Variants in COL18A1 observed in about 807,000 individuals in gnomAD.
COL18A1 encodes the protein collagen alpha-1(XVIII) chain.
COL18A1 carries 133 observed loss-of-function variants against 168.0 expected under a neutral mutation model. The observed-to-expected ratio is 0.79, with a 90% CI of 0.69 to 0.91. The LOEUF (loss-of-function observed/expected upper bound fraction) is 0.91, where lower values mean the gene tolerates loss of function less well. COL18A1 is among the 40% of genes least tolerant of loss of function. COL18A1 has a pLI of 0.00. For synonymous variants in COL18A1, 949 were observed against 809.0 expected, an observed-to-expected ratio of 1.17 and a Z score of -2.94; for missense variants, 2,126 against 1,925.4, an observed-to-expected ratio of 1.10 and a Z score of -1.95.
rs1330260202 is a variant in COL18A1, at chr21:45,477,747, C to T, written c.1006-3C>T. 5 of 1,536,010 alleles carry T rather than the reference C, an allele frequency of 3.3e-6. No homozygotes were observed. The highest frequency in any genetic ancestry group is 4.4e-6 in the Non-Finnish European group (5 of 1,141,596). On this transcript the variant is annotated splice_region_variant and splice_polypyrimidine_tract_variant and intron_variant, in intron 7 of 41. Transcript: ENST00000651438. ...CCGAGCCCTGTGTTCTGTTTATTCC[C>T]AGGGCGGCCTGAAGGGGCAGAAAGG...
At chr21:45,409,037 GCTGT>G (rs1216876041) in intron 2 of COL18A1, among the ~76,000 whole-genome samples, 1 of 149,164 alleles carries the variant, frequency 6.7e-6, no homozygotes, top group Non-Finnish European at 1.5e-5. Context: ...GACAAAGCTG[GCTGT>G]GGCTGTGTCT....
At chr21:45,481,297 G>A (rs894772706) in intron 13 of COL18A1, among the ~76,000 whole-genome samples, 2 of 152,148 alleles carry the variant, frequency 1.3e-5, no homozygotes, top group Admixed American at 6.5e-5. Flanking sequence ...CACACATGAC[G>A]GGCAGCAGGT....
chr21:45,495,441 C>G lies in COL18A1; in HGVS notation c.2508+9C>G. On this transcript the variant is annotated intron_variant, in intron 29 of 41. Transcript: ENST00000651438. The stretch of plus-strand genomic sequence containing the variant: ...TTGGATTTGGCATGAGGGTGAGTGT[C>G]TCTCAAGGGGCGGACTGGGTGGCTG... 6.2e-7 allele frequency: 1 copy of G among 1,602,416 alleles called. No homozygotes were observed.
intron 2 of COL18A1, chr21:45,467,533 C>T: frequency 1.3e-6 from 1 of 769,058 alleles, no homozygotes; most frequent in African/African-American, 1.9e-5. Context: ...CCTGGCCCAG[C>T]AGGTGAGCCG....
intron 2 of COL18A1, chr21:45,456,738 C>T: frequency 6.5e-7 from 1 of 1,535,604 alleles, no homozygotes; most frequent in Middle Eastern, 1.7e-4. Flanking sequence ...GTCCCGCCGC[C>T]CGCCCCGCCA....
chr21:45,465,463 C>G (rs999913312), intron 2 of COL18A1, among the ~76,000 whole-genome samples: 1 of 152,186 alleles, frequency 6.6e-6, no homozygotes, highest in Non-Finnish European at 1.5e-5. Flanking sequence ...GATGTCCCCC[C>G]GGGCACTTCA....
At chr21:45,437,662 A>ACT (rs2034199625) in intron 2 of COL18A1, among the ~76,000 whole-genome samples, 3 of 67,972 alleles carry the variant, frequency 4.4e-5, no homozygotes, top group South Asian at 5.0e-4. Flanking sequence ...GCACACACAC[A>ACT]CACTCAGACA....
Position 45,482,810 on chromosome 21 carries a change from C to T in COL18A1, c.1690C>T (p.Pro564Ser), listed in dbSNP as rs529900513. Reference sequence around the variant, plus strand: ...TTCCGTACAGGGTGAAGCAGGCGCCCCAGGACATAAGGTACAAGCAGAATC... The same window carrying T: ...TTCCGTACAGGGTGAAGCAGGCGCCTCAGGACATAAGGTACAAGCAGAATC... ...QKGSLGEAGA[P>S]GHKGSKGAPG... Residue 564 changes from proline (P) to serine (S), a missense_variant, in exon 15 of 42, where the codon CCA (proline) becomes TCA (serine). Physicochemically the swap from Pro to Ser is moderately conservative, Grantham distance 74 (BLOSUM62 -1). Coordinates refer to ENST00000651438, the MANE Select transcript of COL18A1 (RefSeq NM_001379500.1). 10 of 1,614,172 alleles carry T rather than the reference C, an allele frequency of 6.2e-6. No homozygotes were observed. The highest frequency in any genetic ancestry group is 1.7e-5 in the Admixed American group (1 of 60,026).
At chr21:45,505,083 C>T (rs113182963) in intron 34 of COL18A1, 51 bp from the exon 35 acceptor site, 25,913 of 1,589,616 alleles carry the variant, frequency 0.016, 265 homozygotes, top group Non-Finnish European at 0.019. Flanking sequence ...TTGCCCGCCC[C>T]CAGTCCAGGG....
At chr21:45,405,776 G>A (rs1053614565) in intron 2 of COL18A1, among the ~76,000 whole-genome samples, 1 of 151,104 alleles carries the variant, frequency 6.6e-6, no homozygotes, top group East Asian at 2.0e-4. Flanking sequence ...AGGGCTCGGG[G>A]CGGGGCCGCG....
At chr21:45,439,438 C>T (rs896721211) in intron 2 of COL18A1, among the ~76,000 whole-genome samples, 6 of 152,256 alleles carry the variant, frequency 3.9e-5, no homozygotes, top group African/African-American at 1.4e-4. Context: ...TAGGCCTTTA[C>T]GTATCGCAAC....
chr21:45,426,358 G>A (rs576922690), intron 2 of COL18A1, among the ~76,000 whole-genome samples: 1 of 152,316 alleles, frequency 6.6e-6, no homozygotes, highest in South Asian at 2.1e-4. Context: ...GCCTGCCTTG[G>A]CCTCCCAAAG....
rs372765303 is a variant in COL18A1 at position 45,509,525 on chromosome 21, A to G, written c.3419A>G (p.His1140Arg). 5.9e-6 allele frequency: 9 copies of G among 1,536,218 alleles called. No individual in the cohort carries two copies. Among genetic ancestry groups the G allele is most frequent in the Non-Finnish European group, 7.9e-6 (9 of 1,142,352 alleles). ...EPQPYPGAPH[H>R]SSYVHLRPAR... ...CAGCCCTACCCCGGAGCCCCGCACCACAGCTCCTACGTGCACCTGCGGCCG... is the reference window on the plus strand; with the variant it reads ...CAGCCCTACCCCGGAGCCCCGCACCGCAGCTCCTACGTGCACCTGCGGCCG... The change falls in exon 39 of 42, where the codon CAC becomes CGC. Residue 1140 changes from histidine to arginine, a missense_variant. Coordinates refer to ENST00000651438, the MANE Select transcript of COL18A1 (RefSeq NM_001379500.1).
At chr21:45,409,692 C>A (rs1019569549) in intron 2 of COL18A1, among the ~76,000 whole-genome samples, 1 of 152,234 alleles carries the variant, frequency 6.6e-6, no homozygotes, top group Admixed American at 6.5e-5. Flanking sequence ...GAGCGCAGAC[C>A]CTGCTCCACG....
intron 2 of COL18A1, among the ~76,000 whole-genome samples, chr21:45,431,210 G>A (rs776983260): frequency 2.0e-5 from 3 of 152,194 alleles, no homozygotes; most frequent in Admixed American, 6.5e-5. Flanking sequence ...GACAGACAGG[G>A]TGTCCCACCC....
chr21:45,452,885 C>G (rs1249264636), intron 2 of COL18A1, among the ~76,000 whole-genome samples: 5 of 151,284 alleles, frequency 3.3e-5, no homozygotes, highest in Non-Finnish European at 7.4e-5. Context: ...TGAGTATTCA[C>G]ATGTGACATG....
intron 2 of COL18A1, among the ~76,000 whole-genome samples, chr21:45,448,863 C>G (rs1466089841): frequency 6.6e-6 from 1 of 152,206 alleles, no homozygotes; most frequent in Non-Finnish European, 1.5e-5. Flanking sequence ...GCCCTGCCCG[C>G]CCCCGCTGCC....
intron 15 of COL18A1, among the ~76,000 whole-genome samples, chr21:45,484,317 A>T (rs2036019706): frequency 7.1e-6 from 1 of 139,942 alleles, no homozygotes; most frequent in Non-Finnish European, 1.5e-5. Context: ...CCTCCAGCAT[A>T]CATGCACACA....
chr21:45,493,754 C>T lies in COL18A1; in HGVS notation c.2352+179C>T, dbSNP rs374469404. The T allele has an allele frequency of 1.7e-3, 1,061 of 607,112 alleles. 1 individual carries two copies. The African/African-American group carries it at 0.018, about 10-fold the overall frequency. 37.6% of individuals were successfully genotyped at this position (607,112 alleles called of 1,614,324 possible). On this transcript the variant is annotated intron_variant, in intron 26 of 41. Transcript: ENST00000651438. ...TTTCTCGCACCCATGTCGGCGGTTCCGCCGGCCCCTCGTCCTCTCCCTGCC... is the reference window on the plus strand; with the variant it reads ...TTTCTCGCACCCATGTCGGCGGTTCTGCCGGCCCCTCGTCCTCTCCCTGCC...
Sources: allele counts gnomAD v4.1 joint callset (sites outside exome capture counted in the v4.1 genomes callset), GRCh38; gene constraint gnomAD v4.1.1; transcripts MANE v1.5; gene names NCBI Gene and HGNC (gene_info 2026-07-23, HGNC 2026-07-21).